Variants in ITSN1 observed in about 807,000 individuals in gnomAD.
ITSN1 encodes intersectin-1.
A neutral mutation model predicts 239.8 loss-of-function variants in ITSN1; 58 were observed. The ratio of observed to expected loss-of-function variants is 0.24; its 90% CI spans 0.20 to 0.30. ITSN1 has a LOEUF of 0.30. Among genes scored for constraint, ITSN1 ranks in the 10% least tolerant of loss-of-function variants. The pLI is 1.00. For missense variants in ITSN1, 1,558 were observed against 2,103.3 expected (o/e 0.74, Z 5.07); for synonymous variants, 780 against 770.8 (o/e 1.01, Z -0.20).
chr21:33,651,100 T>C (rs1677239174), intron 1 of ITSN1, among the ~76,000 whole-genome samples: 1 of 152,194 alleles, frequency 6.6e-6, no homozygotes, highest in Admixed American at 6.5e-5. Context: ...CAAGGGTTAT[T>C]TGTTGGTTTA....
chr21:33,777,956 T>G (rs562553978), intron 14 of ITSN1, among the ~76,000 whole-genome samples: 1 of 152,186 alleles, frequency 6.6e-6, no homozygotes, highest in African/African-American at 2.4e-5. Context: ...GATGGACTTC[T>G]CCTTTTGCTG....
At chr21:33,726,365 A>G (rs2147151654) in intron 4 of ITSN1, among the ~76,000 whole-genome samples, 1 of 151,892 alleles carries the variant, frequency 6.6e-6, no homozygotes, top group South Asian at 2.1e-4. Flanking sequence ...CCCCCATACT[A>G]TTTTTATGTT....
At chr21:33,852,100 T>A (rs1208123546) in intron 29 of ITSN1, among the ~76,000 whole-genome samples, 1 of 152,212 alleles carries the variant, frequency 6.6e-6, no homozygotes, top group Non-Finnish European at 1.5e-5. Context: ...TTGCTATTAA[T>A]ATTTTTAATT....
intron 29 of ITSN1, among the ~76,000 whole-genome samples, chr21:33,852,733 G>A (rs1457948946): frequency 6.6e-6 from 1 of 152,122 alleles, no homozygotes; most frequent in Non-Finnish European, 1.5e-5. Context: ...TTTCAGCTGT[G>A]TGTGGATTTC....
chr21:33,729,280 G>A (rs528842725), intron 4 of ITSN1, among the ~76,000 whole-genome samples: 7 of 151,808 alleles, frequency 4.6e-5, no homozygotes, highest in East Asian at 1.9e-4. Context: ...GTGAGACCCC[G>A]TCTCTACTTT....
intron 1 of ITSN1, among the ~76,000 whole-genome samples, chr21:33,645,501 G>A (rs2087855229): frequency 6.6e-6 from 1 of 152,050 alleles, no homozygotes. Flanking sequence ...TTAATATTCT[G>A]GGCTTAGTGA....
intron 34 of ITSN1, among the ~76,000 whole-genome samples, chr21:33,880,175 T>C (rs1984670168): frequency 6.6e-6 from 1 of 152,232 alleles, no homozygotes; most frequent in Non-Finnish European, 1.5e-5. Flanking sequence ...GGCCCAGGTC[T>C]GGACACACAC....
chr21:33,691,801 T>G (rs1022866408), intron 1 of ITSN1, among the ~76,000 whole-genome samples: 3 of 152,236 alleles, frequency 2.0e-5, no homozygotes, highest in Admixed American at 1.3e-4. Context: ...CTCTGATGTC[T>G]GTTCTTATAA....
chr21:33,824,442 C>CT (rs377567702), intron 25 of ITSN1, among the ~76,000 whole-genome samples: 5,016 of 148,952 alleles, frequency 0.034, 207 homozygotes, highest in African/African-American at 0.1. Flanking sequence ...GAATTAACTC[C>CT]TTTTTTTTTT....
chr21:33,717,851 G>T (rs766245114), intron 1 of ITSN1, among the ~76,000 whole-genome samples: 5 of 152,198 alleles, frequency 3.3e-5, no homozygotes, highest in African/African-American at 7.2e-5. Flanking sequence ...ACAGGCGTGA[G>T]CCACTGCGCC....
rs531526391 is a variant in ITSN1, at chr21:33,832,326, G to A, written c.3352-1981G>A. Among the ~76,000 whole-genome samples the A allele has an allele frequency of 2.9e-4, 44 of 152,274 alleles. 1 individual carries two copies. The highest frequency in any genetic ancestry group is 9.4e-4 in the African/African-American group (39 of 41,556). On this transcript the variant is annotated intron_variant, in intron 27 of 39. Transcript: ENST00000381318. ...TGAGCTCCAGCACTGGCCCCGTGCC[G>A]GCACCACTCTTTAGTATTTTATATT...
chr21:33,796,307 A>C (rs28401202), intron 17 of ITSN1, among the ~76,000 whole-genome samples: 17,662 of 152,094 alleles, frequency 0.12, 1,413 homozygotes, highest in East Asian at 0.41. Context: ...GTCATGAATA[A>C]CCATATCCTT....
chr21:33,843,503 CAT>C (rs755604210), intron 29 of ITSN1, among the ~76,000 whole-genome samples: 7 of 152,246 alleles, frequency 4.6e-5, no homozygotes, highest in Non-Finnish European at 1.0e-4. Flanking sequence ...AATGTAAGAA[CAT>C]GTGCTGCTGT....
intron 1 of ITSN1, among the ~76,000 whole-genome samples, chr21:33,653,999 G>A (rs1013384365): frequency 6.6e-5 from 10 of 151,906 alleles, no homozygotes; most frequent in African/African-American, 1.9e-4. Flanking sequence ...ATGAATGCTT[G>A]TTACCCTTTA....
Position 33,716,936 on chromosome 21 carries a change from A to G in ITSN1, c.-32-1861A>G, listed in dbSNP as rs1048479173. Among the ~76,000 whole-genome samples the G allele has an allele frequency of 1.2e-4, 16 of 138,708 alleles. No homozygotes were observed. In the East Asian group the frequency reaches 1.8e-3, roughly 16 times the overall value. 91.0% of individuals were successfully genotyped at this position (138,708 alleles called of 152,430 possible). The stretch of plus-strand genomic sequence containing the variant: ...GGGCAACAAAGCAAGACTCCGTCTC[A>G]AAAAAAAAAAAAAGTGAAAGAGACC... On this transcript the variant is annotated intron_variant, in intron 1 of 39. Transcript: ENST00000381318.
intron 33 of ITSN1, among the ~76,000 whole-genome samples, chr21:33,873,647 G>A (rs1459959527): frequency 1.3e-5 from 2 of 151,944 alleles, no homozygotes; most frequent in Non-Finnish European, 2.9e-5. Flanking sequence ...GAGGCAGGCA[G>A]ATCACTTGAG....
At chr21:33,663,908 A>T (rs2089744197) in intron 1 of ITSN1, among the ~76,000 whole-genome samples, 1 of 152,132 alleles carries the variant, frequency 6.6e-6, no homozygotes, top group African/African-American at 2.4e-5. Context: ...GCCTCTGATG[A>T]TTAAATTCTA....
At chr21:33,820,636 A>G (rs1327156357) in intron 24 of ITSN1, among the ~76,000 whole-genome samples, 1 of 152,070 alleles carries the variant, frequency 6.6e-6, no homozygotes, top group Non-Finnish European at 1.5e-5. Context: ...TAAAGTAAGA[A>G]TTTTTTTTAG....
At chr21:33,647,109 GT>G (rs748978660) in intron 1 of ITSN1, among the ~76,000 whole-genome samples, 1 of 152,194 alleles carries the variant, frequency 6.6e-6, no homozygotes, top group East Asian at 1.9e-4. Flanking sequence ...ATTAATATAA[GT>G]TTTGAAAATA....
Sources: gnomAD v4.1 joint callset for allele counts (sites outside exome capture counted in the v4.1 genomes callset) on GRCh38, gnomAD v4.1.1 for gene constraint, MANE v1.5 for transcripts, NCBI Gene and HGNC (gene_info 2026-07-23, HGNC 2026-07-21) for gene names.